COG7: variants seen among roughly 807,000 people sequenced by gnomAD.
COG7 encodes component of oligomeric golgi complex 7, also known as conserved oligomeric Golgi complex subunit 7.
A neutral mutation model predicts 91.5 loss-of-function variants in COG7; 49 were observed. The observed-to-expected ratio is 0.54, with a 90% CI of 0.43 to 0.68. COG7 has a LOEUF of 0.68. Ranked by LOEUF, COG7 falls within the 30% of genes least tolerant of loss-of-function variation. The pLI is 0.00. For synonymous variants in COG7, 365 were observed against 388.7 expected, an observed-to-expected ratio of 0.94 and a Z score of 0.72; for missense variants, 895 against 961.3, an observed-to-expected ratio of 0.93 and a Z score of 0.91.
Position 23,393,224 on chromosome 16 carries a change from C to G in COG7, c.2002+9G>C. ...ACTTGTAACATCGCCAGAAACGGTC[C>G]CCGCTTACCCTGCTCAGGAGGAAAT... On this transcript the variant is annotated intron_variant, in intron 15 of 16. Transcript: ENST00000307149. 6.2e-7 allele frequency: 1 copy of G among 1,603,910 alleles called. No individual in the cohort carries two copies. Among genetic ancestry groups the G allele is most frequent in the South Asian group, 1.1e-5 (1 of 90,676 alleles).
rs1468347836 is a variant in COG7, at chr16:23,416,947, C to A, written c.1292+20G>T. The A allele has an allele frequency of 1.9e-6, 3 of 1,614,080 alleles. No homozygotes were observed. The highest frequency in any genetic ancestry group is 2.2e-5 in the South Asian group (2 of 91,046). ...ACTGCTCCAATGTGGCCCGTCTGGT[C>A]CCCAGTTCCCCAGCCTTACTTGGCA... On this transcript the variant is annotated intron_variant, in intron 9 of 16. Coordinates refer to ENST00000307149, the MANE Select transcript of COG7 (RefSeq NM_153603.4).
intron 6 of COG7, among the ~76,000 whole-genome samples, chr16:23,427,314 C>T (rs1448827361): frequency 1.3e-5 from 2 of 151,566 alleles, no homozygotes; most frequent in South Asian, 2.1e-4. Context: ...CCTGTAATCA[C>T]AGCAGTTTGG....
chr16:23,436,075 A>C (rs893356382), intron 4 of COG7, among the ~76,000 whole-genome samples: 8 of 152,106 alleles, frequency 5.3e-5, no homozygotes, highest in Non-Finnish European at 4.4e-5. Flanking sequence ...TACAAAAAAT[A>C]GAAAAAATTA....
In COG7 at chr16:23,424,785, C is replaced by T. The variant is rs116804305; in HGVS notation, c.973G>A (p.Ala325Thr). 108 of 1,614,196 alleles carry T rather than the reference C, an allele frequency of 6.7e-5. 1 individual carries two copies. The East Asian group carries it at 1.8e-3, about 28-fold the overall frequency. ...LEFYDATAHF[A>T]KGLEMALLPH... ...AGCAGTGCCATCTCCAAGCCCTTGG[C>T]GAAGTGGGCGGTGGCGTCGTAGAAC... is the stretch of plus-strand genomic sequence containing the variant. Residue 325 changes from alanine to threonine, a missense_variant, in exon 7 of 17, where the codon GCC becomes ACC. By Grantham distance (58) the Ala-to-Thr change is moderately conservative. Coordinates refer to ENST00000307149, the MANE Select transcript of COG7 (RefSeq NM_153603.4).
chr16:23,436,388 A>T (rs1596949424), intron 4 of COG7, among the ~76,000 whole-genome samples: 1 of 152,160 alleles, frequency 6.6e-6, no homozygotes, highest in East Asian at 1.9e-4. Flanking sequence ...TAGGAGATGG[A>T]AAAGGGGAAC....
intron 4 of COG7, 135 bp from the exon 5 acceptor site, chr16:23,434,853 G>A: frequency 1.5e-6 from 1 of 684,802 alleles, no homozygotes; most frequent in Non-Finnish European, 2.7e-6. Context: ...ATTAACTCAT[G>A]CATGAGGATC....
At chr16:23,389,123 G>C in intron 16 of COG7, 37 bp from the exon 17 acceptor site, 1 of 1,608,922 alleles carries the variant, frequency 6.2e-7, no homozygotes, top group Non-Finnish European at 8.5e-7. Flanking sequence ...GAGCTCCACA[G>C]ACTCAGCACC....
At chr16:23,416,880 G>T (rs925234099) in intron 9 of COG7, 87 bp downstream of exon 9, 10 of 1,504,838 alleles carry the variant, frequency 6.6e-6, no homozygotes, top group Non-Finnish European at 9.2e-6. Context: ...CCAGGGTTCA[G>T]AGAACAAATA....
chr16:23,409,139 T>C (rs1963521844), intron 11 of COG7, among the ~76,000 whole-genome samples: 1 of 148,286 alleles, frequency 6.7e-6, no homozygotes, highest in Non-Finnish European at 1.5e-5. Flanking sequence ...CCTGTAAAGC[T>C]TATCTTATCT....
At chr16:23,428,318 C>T (rs768816616) in intron 6 of COG7, among the ~76,000 whole-genome samples, 1 of 151,910 alleles carries the variant, frequency 6.6e-6, no homozygotes, top group Non-Finnish European at 1.5e-5. Flanking sequence ...CACTGCACTT[C>T]AGCCTGGGTG....
intron 1 of COG7, among the ~76,000 whole-genome samples, chr16:23,449,005 G>A (rs190078750): frequency 4.5e-4 from 69 of 152,226 alleles, no homozygotes; most frequent in African/African-American, 1.6e-3. Context: ...GCATCACTGG[G>A]TCCTCCCACT....
At chr16:23,399,065 C>G (rs1168291074) in intron 13 of COG7, among the ~76,000 whole-genome samples, 3 of 152,186 alleles carry the variant, frequency 2.0e-5, no homozygotes, top group Non-Finnish European at 2.9e-5. Flanking sequence ...CTCCGGCGGT[C>G]ATGTAGGAAC....
chr16:23,412,552 G>A (rs956485380), intron 10 of COG7: 1 of 152,266 alleles, frequency 6.6e-6, no homozygotes, highest in African/African-American at 2.4e-5. Flanking sequence ...TCAGGCAACT[G>A]CTGATCGAAC....
At chr16:23,445,307 T>C in intron 2 of COG7, 143 bp from the exon 3 acceptor site, 1 of 760,728 alleles carries the variant, frequency 1.3e-6, no homozygotes, top group South Asian at 1.4e-5. Flanking sequence ...TCTGGCTAAA[T>C]TTATTCAGCA....
intron 14 of COG7, chr16:23,394,975 T>G (rs892654074): frequency 6.6e-6 from 1 of 151,790 alleles, no homozygotes; most frequent in Admixed American, 6.6e-5. Flanking sequence ...CTGGCTAATT[T>G]TTTTTGTATT....
intron 14 of COG7, among the ~76,000 whole-genome samples, chr16:23,396,560 TC>T (rs1459422435): frequency 6.6e-6 from 1 of 151,004 alleles, no homozygotes; most frequent in Non-Finnish European, 1.5e-5. Context: ...GCGCCTGTAA[TC>T]CCAGCTACTC....
intron 5 of COG7, among the ~76,000 whole-genome samples, 160 bp from the exon 6 acceptor site, chr16:23,433,827 A>AT (rs1020631471): frequency 6.6e-6 from 1 of 151,640 alleles, no homozygotes; most frequent in Non-Finnish European, 1.5e-5. Context: ...AGGAAAAAAA[A>AT]AAAAACATTT....
chr16:23,448,831 C>T (rs426674), intron 1 of COG7, among the ~76,000 whole-genome samples: 22,183 of 152,178 alleles, frequency 0.15, 1,799 homozygotes, highest in East Asian at 0.29. Context: ...TTCTCTCAAC[C>T]TCAGTTTCTA....
At chr16:23,426,345 A>G (rs1365236316) in intron 6 of COG7, among the ~76,000 whole-genome samples, 3 of 152,192 alleles carry the variant, frequency 2.0e-5, no homozygotes, top group East Asian at 1.9e-4. Context: ...GTACACCATG[A>G]TCAAGTAGGA....
Sources: allele counts gnomAD v4.1 joint callset (sites outside exome capture counted in the v4.1 genomes callset), GRCh38; gene constraint gnomAD v4.1.1; transcripts MANE v1.5; gene names NCBI Gene and HGNC (gene_info 2026-07-23, HGNC 2026-07-21).